CYP2C19: variants seen among roughly 807,000 people sequenced by gnomAD.
The protein encoded by CYP2C19 is cytochrome P450 2C19.
A neutral mutation model predicts 40.9 loss-of-function variants in CYP2C19; 59 were observed. That is an observed-to-expected ratio of 1.44 (90% confidence interval 1.17 to 1.79). The LOEUF is 1.79. CYP2C19 is among the 40% of genes most tolerant of loss of function. CYP2C19 has a pLI of 0.00. For missense variants in CYP2C19, 754 were observed against 596.9 expected (o/e 1.26, Z -2.74); for synonymous variants, 253 against 208.7 (o/e 1.21, Z -1.83).
At chr10:94,792,575 C>G (rs1848618862) in intron 5 of CYP2C19, among the ~76,000 whole-genome samples, 1 of 152,108 alleles carries the variant, frequency 6.6e-6, no homozygotes, top group Non-Finnish European at 1.5e-5. Context: ...TCAGCATTAG[C>G]TCGTCTGTAA....
intron 5 of CYP2C19, among the ~76,000 whole-genome samples, chr10:94,809,376 T>A (rs1210057153): frequency 5.3e-5 from 8 of 152,170 alleles, no homozygotes; most frequent in Non-Finnish European, 2.9e-5. Context: ...TTTCTTCCTA[T>A]CTGTGGGTTA....
rs147949502 is a variant in CYP2C19 at position 94,762,777 on chromosome 10, T to C, written c.72T>C (p.Ser24=). The C allele has an allele frequency of 2.5e-6, 4 of 1,613,834 alleles. No homozygotes were observed. Among genetic ancestry groups the C allele is most frequent in the Non-Finnish European group, 3.4e-6 (4 of 1,179,906 alleles). The change falls in exon 1 of 9, where the codon TCT becomes TCC. Residue 24 remains serine (S), a synonymous_variant. Transcript: ENST00000371321. ...TCCTTTCAATCTGGAGACAGAGCTC[T>C]GGGAGAGGAAAACTCCCTCCTGGCC... ...LLLLSIWRQS[S]GRGKLPPGPT...
Position 94,852,893 on chromosome 10 carries a change from G to T in CYP2C19, c.1452G>T (p.Gln484His). 2 of 1,613,952 alleles carry T rather than the reference G, an allele frequency of 1.2e-6. No homozygotes were observed. Among genetic ancestry groups the T allele is most frequent in the Non-Finnish European group, 1.7e-6 (2 of 1,179,922 alleles). Residue 484 changes from glutamine to histidine, a missense_variant, in exon 9 of 9, where the codon CAG becomes CAT. Transcript: ENST00000371321. ...TTGCTTCTGTCCCGCCCTTCTATCA[G>T]CTGTGCTTCATTCCTGTCTGAAGAA... Reference protein sequence around the residue: ...NGFASVPPFYQLCFIPV With the variant: ...NGFASVPPFYHLCFIPV
At position 94,762,883 on chromosome 10, in the gene CYP2C19, C is replaced by T; in HGVS notation, c.168+10C>T. The T allele has an allele frequency of 6.2e-7, 1 of 1,611,818 alleles. No individual in the cohort carries two copies. The highest frequency in any genetic ancestry group is 8.5e-7 in the Non-Finnish European group (1 of 1,178,106). On this transcript the variant is annotated intron_variant, in intron 1 of 8. Transcript: ENST00000371321. ...CAAATCCTTAACCAATGTAAGTATG[C>T]TCCTTCAGTGGCTTGCAAAAGGTAA... is the stretch of plus-strand genomic sequence containing the variant.
At chr10:94,790,597 G>A (rs531689775) in intron 5 of CYP2C19, among the ~76,000 whole-genome samples, 197 of 152,282 alleles carry the variant, frequency 1.3e-3, no homozygotes, top group African/African-American at 4.6e-3. Flanking sequence ...CATCTATTGA[G>A]ATAATCATGT....
intron 5 of CYP2C19, among the ~76,000 whole-genome samples, chr10:94,807,518 T>C (rs1160153921): frequency 1.3e-5 from 2 of 152,122 alleles, no homozygotes; most frequent in African/African-American, 4.8e-5. Context: ...AATAAGTTTT[T>C]GAGTTCTCTT....
chr10:94,843,140 C>A, intron 7 of CYP2C19, 116 bp downstream of exon 7: 1 of 1,290,864 alleles, frequency 7.7e-7, no homozygotes, highest in Non-Finnish European at 1.1e-6. Flanking sequence ...CTATGTATGG[C>A]AGTTTAATTG....
chr10:94,824,511 C>T (rs1229444062), intron 6 of CYP2C19, among the ~76,000 whole-genome samples: 2 of 152,056 alleles, frequency 1.3e-5, no homozygotes, highest in Non-Finnish European at 2.9e-5. Context: ...AGCACAGCTG[C>T]ACAAATACAC....
chr10:94,829,054 C>T (rs139202257), intron 6 of CYP2C19, among the ~76,000 whole-genome samples: 7,180 of 152,212 alleles, frequency 0.047, 229 homozygotes, highest in South Asian at 0.11. Flanking sequence ...GATGGGCTTC[C>T]CTTTGAGGGT....
At chr10:94,796,213 A>G (rs577248816) in intron 5 of CYP2C19, among the ~76,000 whole-genome samples, 7 of 152,154 alleles carry the variant, frequency 4.6e-5, no homozygotes, top group Non-Finnish European at 7.4e-5. Flanking sequence ...AGCTTTCTCC[A>G]TATGGCTAGC....
chr10:94,781,699 C>T (rs550670906), intron 4 of CYP2C19, 122 bp from the exon 5 acceptor site: 2 of 407,198 alleles, frequency 4.9e-6, no homozygotes, highest in African/African-American at 4.1e-5. Context: ...AAAATTTCCC[C>T]ATCAAGATAT....
chr10:94,845,956 T>C (rs1296780629), intron 7 of CYP2C19, among the ~76,000 whole-genome samples: 1 of 152,136 alleles, frequency 6.6e-6, no homozygotes, highest in Non-Finnish European at 1.5e-5. Flanking sequence ...TCCATCTATC[T>C]AGACCTCAAT....
intron 3 of CYP2C19, among the ~76,000 whole-genome samples, chr10:94,780,164 C>A (rs1228986323): frequency 6.6e-6 from 1 of 152,130 alleles, no homozygotes; most frequent in Non-Finnish European, 1.5e-5. Context: ...TGTCTACAGA[C>A]TTTGCAGACT....
chr10:94,816,624 T>A (rs1042833099), intron 5 of CYP2C19, among the ~76,000 whole-genome samples: 2 of 151,738 alleles, frequency 1.3e-5, no homozygotes, highest in Non-Finnish European at 2.9e-5. Context: ...CATGTGCACA[T>A]TGTGCAGGTT....
chr10:94,810,315 G>A (rs1243702685), intron 5 of CYP2C19, among the ~76,000 whole-genome samples: 2 of 152,126 alleles, frequency 1.3e-5, no homozygotes, highest in Admixed American at 1.3e-4. Flanking sequence ...TCGCATGGAT[G>A]TTCATCACGG....
intron 1 of CYP2C19, among the ~76,000 whole-genome samples, chr10:94,764,857 A>T (rs1848219314): frequency 6.6e-6 from 1 of 152,126 alleles, no homozygotes; most frequent in African/African-American, 2.4e-5. Flanking sequence ...GAAAGGGGAG[A>T]AGCCATGTTG....
chr10:94,772,672 T>C (rs1320351034), intron 1 of CYP2C19, among the ~76,000 whole-genome samples: 3 of 152,202 alleles, frequency 2.0e-5, no homozygotes, highest in African/African-American at 7.2e-5. Context: ...AAGTGGAAGC[T>C]GGTTCCAGGC....
intron 4 of CYP2C19, 107 bp downstream of exon 4, chr10:94,780,766 A>G: frequency 8.1e-7 from 1 of 1,232,406 alleles, no homozygotes; most frequent in Middle Eastern, 2.0e-4. Flanking sequence ...TGAATACTAC[A>G]GTCTTGCCTA....
chr10:94,801,781 G>C (rs1434587859), intron 5 of CYP2C19, among the ~76,000 whole-genome samples: 1 of 152,122 alleles, frequency 6.6e-6, no homozygotes, highest in African/African-American at 2.4e-5. Context: ...CCCCTGTATT[G>C]GGTGCATATA....
Sources: allele counts gnomAD v4.1 joint callset (sites outside exome capture counted in the v4.1 genomes callset), GRCh38; gene constraint gnomAD v4.1.1; transcripts MANE v1.5; gene names NCBI Gene and HGNC (gene_info 2026-07-23, HGNC 2026-07-21).